Variants in YPEL1 observed in about 807,000 individuals in gnomAD.
YPEL1 encodes the protein protein yippee-like 1.
Under a neutral mutation model 17.3 loss-of-function variants are expected in YPEL1, and 7 were observed. The observed-to-expected ratio is 0.40, with a 90% CI of 0.23 to 0.76. The LOEUF (loss-of-function observed/expected upper bound fraction) is 0.76. Among genes scored for constraint, YPEL1 ranks in the 30% least tolerant of loss-of-function variants. The pLI is 0.35. For synonymous variants in YPEL1, 59 were observed against 59.6 expected (o/e 0.99, Z 0.05); for missense variants, 91 against 155.5 (o/e 0.59, Z 2.21).
chr22:21,733,041 A>C (rs1354011657), intron 1 of YPEL1, among the ~76,000 whole-genome samples: 1 of 152,146 alleles, frequency 6.6e-6, no homozygotes, highest in Non-Finnish European at 1.5e-5. Flanking sequence ...GCTTGAGCCC[A>C]AGAGGTTGAG....
chr22:21,702,223 G>C (rs1405736675), intron 4 of YPEL1, among the ~76,000 whole-genome samples: 1 of 152,202 alleles, frequency 6.6e-6, no homozygotes, highest in Non-Finnish European at 1.5e-5. Flanking sequence ...TGTGCCAGCA[G>C]GAAGCGGGTG....
chr22:21,702,848 G>A (rs540721161), intron 4 of YPEL1, among the ~76,000 whole-genome samples: 1 of 152,346 alleles, frequency 6.6e-6, no homozygotes, highest in Admixed American at 6.5e-5. Context: ...ATGTGGTGGA[G>A]AGAGAAGGGA....
At chr22:21,734,119 C>G (rs563766918) in intron 1 of YPEL1, among the ~76,000 whole-genome samples, 17 of 152,294 alleles carry the variant, frequency 1.1e-4, no homozygotes, top group Admixed American at 1.0e-3. Flanking sequence ...ACATGGGAGG[C>G]TGAGGCAAGA....
intron 1 of YPEL1, among the ~76,000 whole-genome samples, chr22:21,715,897 G>C (rs1704309929): frequency 6.6e-6 from 1 of 152,022 alleles, no homozygotes; most frequent in Admixed American, 6.6e-5. Flanking sequence ...ACGAGCACTG[G>C]GATTACAGGC....
chr22:21,732,222 C>T (rs1228533829), intron 1 of YPEL1, among the ~76,000 whole-genome samples: 2 of 152,188 alleles, frequency 1.3e-5, no homozygotes, highest in Admixed American at 1.3e-4. Context: ...ATCTATCTCG[C>T]ACTGCTTGCT....
intron 1 of YPEL1, among the ~76,000 whole-genome samples, chr22:21,732,424 C>T (rs2068396704): frequency 6.6e-6 from 1 of 152,232 alleles, no homozygotes; most frequent in African/African-American, 2.4e-5. Flanking sequence ...AGGGGGGCTT[C>T]TATTGCTTCT....
Position 21,699,982 on chromosome 22 carries a change from A to G in YPEL1, c.*1147T>C, listed in dbSNP as rs2068048645. On this transcript the variant is annotated 3_prime_UTR_variant, in exon 5 of 5. Coordinates refer to ENST00000339468, the MANE Select transcript of YPEL1 (RefSeq NM_013313.5). ...CACCTGCTTTCTAGATAAGGAATCTACTGGCTTAAATAAACATGTTCCACT... is the reference window on the plus strand; with the variant it reads ...CACCTGCTTTCTAGATAAGGAATCTGCTGGCTTAAATAAACATGTTCCACT... 6.6e-6 allele frequency: 1 copy of G among 152,368 alleles called. No homozygotes were observed. The highest frequency in any genetic ancestry group is 6.5e-5 in the Admixed American group (1 of 15,274). The allele number at this position is 152,368 out of a possible 1,614,324, so 9.4% of individuals were successfully genotyped here. A position where few individuals can be genotyped will look rare whatever the true frequency, so the allele number is the denominator to read the frequency against.
At chr22:21,733,893 T>C (rs55649326) in intron 1 of YPEL1, among the ~76,000 whole-genome samples, 17,518 of 152,198 alleles carry the variant, frequency 0.12, 1,354 homozygotes, top group Middle Eastern at 0.19. Flanking sequence ...GAACAGATGT[T>C]AGAGGAACAC....
intron 1 of YPEL1, among the ~76,000 whole-genome samples, chr22:21,732,391 G>C (rs1318317405): frequency 6.6e-6 from 1 of 152,190 alleles, no homozygotes; most frequent in Non-Finnish European, 1.5e-5. Flanking sequence ...CTAATGAAAA[G>C]CATCACAGAA....
chr22:21,721,327 C>T (rs954848469), intron 1 of YPEL1, among the ~76,000 whole-genome samples: 5 of 151,360 alleles, frequency 3.3e-5, no homozygotes, highest in East Asian at 2.0e-4. Flanking sequence ...ACCATGTTAG[C>T]CAGGATGGTC....
At chr22:21,704,081 T>A in intron 2 of YPEL1, 199 bp from the exon 3 acceptor site, 1 of 724,372 alleles carries the variant, frequency 1.4e-6, no homozygotes, top group Non-Finnish European at 2.6e-6. Flanking sequence ...TTTTTCATTG[T>A]AGACAGGAGT....
rs1474391168 is a variant in YPEL1, at chr22:21,711,827, A to C, written c.-164-919T>G. On this transcript the variant is annotated intron_variant, in intron 1 of 4. Coordinates refer to ENST00000339468, the MANE Select transcript of YPEL1 (RefSeq NM_013313.5). ...ATGTGGCAATCATCTCTTGGATACGATACCAAAAGCATGGGCAGCAAAAGA... is the reference window on the plus strand; with the variant it reads ...ATGTGGCAATCATCTCTTGGATACGCTACCAAAAGCATGGGCAGCAAAAGA... Among the ~76,000 whole-genome samples, 3 of 152,210 alleles carry C rather than the reference A, an allele frequency of 2.0e-5. No homozygotes were observed. The East Asian group carries it at 5.8e-4, about 29-fold the overall frequency.
At position 21,700,106 on chromosome 22, in the gene YPEL1, CTGTT is replaced by C. The variant is rs1218819840; in HGVS notation, c.*1019_*1022del. On this transcript the variant is annotated 3_prime_UTR_variant, in exon 5 of 5. Coordinates refer to ENST00000339468, the MANE Select transcript of YPEL1 (RefSeq NM_013313.5). ...CCAAAAATGCCCTTAGTGTATAAGT[CTGTT>C]GACTGCCTCTGGAAGATTCTTAAAT... 6.6e-6 allele frequency: 1 copy of C among 152,362 alleles called. No individual in the cohort carries two copies. The highest frequency in any genetic ancestry group is 1.9e-4 in the East Asian group (1 of 5,346). The allele number at this position is 152,362 out of a possible 1,614,324, so 9.4% of individuals were successfully genotyped here.
At chr22:21,735,307 G>A (rs2068425313) in intron 1 of YPEL1, among the ~76,000 whole-genome samples, 1 of 152,258 alleles carries the variant, frequency 6.6e-6, no homozygotes, top group South Asian at 2.1e-4. Flanking sequence ...CAAAAATCAG[G>A]GATCTTGTCC....
chr22:21,717,203 C>T (rs2068234282), intron 1 of YPEL1, among the ~76,000 whole-genome samples: 1 of 151,950 alleles, frequency 6.6e-6, no homozygotes, highest in Non-Finnish European at 1.5e-5. Context: ...CGGTGAAACC[C>T]CGTCTCTACT....
intron 1 of YPEL1, among the ~76,000 whole-genome samples, chr22:21,723,902 G>A (rs952960642): frequency 2.0e-4 from 31 of 151,856 alleles, no homozygotes; most frequent in South Asian, 2.1e-4. Flanking sequence ...CCTGACCTCA[G>A]GTGATCCACC....
intron 1 of YPEL1, among the ~76,000 whole-genome samples, chr22:21,715,468 T>C (rs28721456): frequency 0.12 from 18,923 of 151,698 alleles, 1,537 homozygotes; most frequent in Non-Finnish European, 0.18. Context: ...CACTCCAGCC[T>C]GGAGACAGAG....
At chr22:21,722,119 C>T (rs1342628586) in intron 1 of YPEL1, among the ~76,000 whole-genome samples, 1 of 152,122 alleles carries the variant, frequency 6.6e-6, no homozygotes, top group Non-Finnish European at 1.5e-5. Flanking sequence ...AGGGAAAGCA[C>T]TTCAAAAAGT....
At chr22:21,727,468 G>C (rs2068346164) in intron 1 of YPEL1, among the ~76,000 whole-genome samples, 1 of 152,218 alleles carries the variant, frequency 6.6e-6, no homozygotes, top group African/African-American at 2.4e-5. Flanking sequence ...GACACTGTGT[G>C]TCCCCACGTT....
Sources: allele counts gnomAD v4.1 joint callset (sites outside exome capture counted in the v4.1 genomes callset), GRCh38; gene constraint gnomAD v4.1.1; transcripts MANE v1.5; gene names NCBI Gene and HGNC (gene_info 2026-07-23, HGNC 2026-07-21).